The following RERE variants were observed in gnomAD, a reference collection of about 807,000 sequenced individuals.
RERE encodes the protein arginine-glutamic acid dipeptide repeats.
Under a neutral mutation model 146.1 loss-of-function variants are expected in RERE, and 40 were observed. The ratio of observed to expected loss-of-function variants is 0.27; its 90% CI spans 0.21 to 0.36. The LOEUF is 0.36. Ranked by LOEUF, RERE falls within the 10% of genes least tolerant of loss-of-function variation. The pLI, the probability that RERE is intolerant of heterozygous loss-of-function variation, is 1.00. For synonymous variants in RERE, 1,003 were observed against 866.0 expected, an observed-to-expected ratio of 1.16 and a Z score of -2.78; for missense variants, 1,933 against 2,138.7, an observed-to-expected ratio of 0.90 and a Z score of 1.90.
intron 4 of RERE, among the ~76,000 whole-genome samples, chr1:8,609,872 G>A (rs931591432): frequency 1.3e-5 from 2 of 152,004 alleles, no homozygotes; most frequent in Non-Finnish European, 2.9e-5. Flanking sequence ...GAGTTCAATC[G>A]AGCCTCCCAC....
intron 11 of RERE, among the ~76,000 whole-genome samples, chr1:8,437,068 A>C (rs1428880308): frequency 1.3e-5 from 2 of 152,222 alleles, no homozygotes; most frequent in Non-Finnish European, 2.9e-5. Context: ...AAATAAAACC[A>C]CATAGGGCCG....
At chr1:8,687,849 C>T (rs564337977) in intron 1 of RERE, among the ~76,000 whole-genome samples, 3 of 152,246 alleles carry the variant, frequency 2.0e-5, no homozygotes, top group South Asian at 4.1e-4. Flanking sequence ...CAAAGTAAAA[C>T]ATCTTATATT....
intron 4 of RERE, among the ~76,000 whole-genome samples, chr1:8,585,403 G>A (rs1390088679): frequency 6.6e-6 from 1 of 152,064 alleles, no homozygotes; most frequent in African/African-American, 2.4e-5. Context: ...AAATCAAGAG[G>A]CCCAGAAATA....
rs1401210094 is a variant in RERE at position 8,358,180 on chromosome 1, A to G, written c.4339+16T>C. On this transcript the variant is annotated intron_variant, in intron 20 of 22. Transcript: ENST00000400908. ...TCCCCGTGCCTCTGTCCCACCTGCC[A>G]CGCTGGGGCACGCACCTTGGTGGAG... 6.4e-6 allele frequency: 10 copies of G among 1,573,790 alleles called. No individual in the cohort carries two copies. The highest frequency in any genetic ancestry group is 1.3e-5 in the African/African-American group (1 of 74,448).
At chr1:8,726,334 T>C (rs1023924144) in intron 1 of RERE, among the ~76,000 whole-genome samples, 2 of 151,928 alleles carry the variant, frequency 1.3e-5, no homozygotes, top group African/African-American at 2.4e-5. Context: ...ATATTTTTAG[T>C]AGAGATGGGG....
At chr1:8,529,465 A>ATT (rs35913350) in intron 7 of RERE, among the ~76,000 whole-genome samples, 5 of 145,476 alleles carry the variant, frequency 3.4e-5, no homozygotes, top group Non-Finnish European at 4.5e-5. Context: ...AAATTTTTTA[A>ATT]TTTTTTTTTT....
intron 1 of RERE, among the ~76,000 whole-genome samples, chr1:8,776,650 G>T (rs1351252374): frequency 6.6e-6 from 1 of 152,126 alleles, no homozygotes; most frequent in African/African-American, 2.4e-5. Context: ...ACCAAATTTT[G>T]TAACTAAGTT....
chr1:8,591,362 C>CAG (rs1646490651), intron 4 of RERE, among the ~76,000 whole-genome samples: 1 of 151,848 alleles, frequency 6.6e-6, no homozygotes, highest in South Asian at 2.1e-4. Flanking sequence ...CTCCCAGAAG[C>CAG]CACTGGCTGT....
rs368663985 is a variant in RERE, at chr1:8,504,629, G to A, written c.879+3998C>T. On this transcript the variant is annotated intron_variant, in intron 8 of 22. Transcript: ENST00000400908. ...AGCACTTTGGGAGGCCAAGGCGGGT[G>A]TTTCATGAGGTCAGAAGTTCGAGAT... is the stretch of plus-strand genomic sequence containing the variant. 4.6e-5 allele frequency among the ~76,000 whole-genome samples: 7 copies of A among 152,140 alleles called. No individual in the cohort carries two copies. The East Asian group carries it at 1.3e-3, about 29-fold the overall frequency.
chr1:8,408,555 G>A (rs1447204342), intron 12 of RERE, among the ~76,000 whole-genome samples: 1 of 152,122 alleles, frequency 6.6e-6, no homozygotes, highest in Non-Finnish European at 1.5e-5. Flanking sequence ...TCGCACTGAA[G>A]TCTCTGAGCT....
At position 8,466,042 on chromosome 1, in the gene RERE, T is replaced by C. The variant is rs751888469; in HGVS notation, c.1105-19A>G. On this transcript the variant is annotated intron_variant, in intron 10 of 22. Transcript: ENST00000400908. ...CATGCAGCTAAAACAACAACAATTA[T>C]AGTTAGCTAACTGCACCAAATAACA... 1.9e-6 allele frequency: 3 copies of C among 1,589,934 alleles called. No homozygotes were observed. Among genetic ancestry groups the C allele is most frequent in the Non-Finnish European group, 2.6e-6 (3 of 1,161,668 alleles).
At chr1:8,394,672 A>C (rs1642992691) in intron 12 of RERE, among the ~76,000 whole-genome samples, 1 of 152,192 alleles carries the variant, frequency 6.6e-6, no homozygotes, top group African/African-American at 2.4e-5. Context: ...AAAAGTGACA[A>C]ATCATAAGGT....
At chr1:8,518,959 A>G (rs1645455545) in intron 7 of RERE, among the ~76,000 whole-genome samples, 1 of 152,232 alleles carries the variant, frequency 6.6e-6, no homozygotes, top group Non-Finnish European at 1.5e-5. Flanking sequence ...AACAAACATT[A>G]AAAGAAACAT....
At chr1:8,381,263 C>G (rs1199459025) in intron 12 of RERE, among the ~76,000 whole-genome samples, 1 of 152,152 alleles carries the variant, frequency 6.6e-6, no homozygotes, top group East Asian at 1.9e-4. Context: ...TTTCCTCCGA[C>G]TGGACTCTAA....
intron 7 of RERE, among the ~76,000 whole-genome samples, chr1:8,522,065 TG>T (rs904026047): frequency 6.6e-6 from 1 of 152,254 alleles, no homozygotes; most frequent in African/African-American, 2.4e-5. Context: ...CTTTCAGAAT[TG>T]TTTTAAAAGT....
intron 9 of RERE, among the ~76,000 whole-genome samples, chr1:8,496,397 AGCTCAGGAAGTTAAG>A (rs1645046309): frequency 1.3e-5 from 2 of 152,020 alleles, no homozygotes; most frequent in Non-Finnish European, 2.9e-5. Flanking sequence ...GGATCGCTTG[AGCTCAGGAAGTTAAG>A]GCTGTAGTGA....
At chr1:8,768,508 A>G (rs1230829639) in intron 1 of RERE, among the ~76,000 whole-genome samples, 1 of 152,222 alleles carries the variant, frequency 6.6e-6, no homozygotes, top group Non-Finnish European at 1.5e-5. Flanking sequence ...CACAGCACCC[A>G]CTGGTCACAT....
intron 8 of RERE, among the ~76,000 whole-genome samples, chr1:8,506,991 T>TA (rs1463383248): frequency 6.6e-6 from 1 of 152,078 alleles, no homozygotes; most frequent in East Asian, 1.9e-4. Context: ...GCCAGCTGGG[T>TA]ACAAGAGAGT....
At chr1:8,420,337 A>G (rs950831178) in intron 12 of RERE, among the ~76,000 whole-genome samples, 4 of 152,170 alleles carry the variant, frequency 2.6e-5, no homozygotes, top group East Asian at 1.9e-4. Context: ...AAAAGTATCT[A>G]TATTAGAGGG....
Sources: gnomAD v4.1 joint callset for allele counts (sites outside exome capture counted in the v4.1 genomes callset) on GRCh38, gnomAD v4.1.1 for gene constraint, MANE v1.5 for transcripts, NCBI Gene and HGNC (gene_info 2026-07-23, HGNC 2026-07-21) for gene names.